The following DNAH5 variants were observed in gnomAD, a reference collection of about 807,000 sequenced individuals.
DNAH5 encodes the protein axonemal beta dynein heavy chain 5.
A neutral mutation model predicts 518.2 loss-of-function variants in DNAH5; 372 were observed. The observed-to-expected ratio is 0.72, with a 90% CI of 0.66 to 0.78. The LOEUF (loss-of-function observed/expected upper bound fraction) is 0.78. DNAH5 is among the 30% of genes least tolerant of loss of function. DNAH5 has a pLI of 0.00. For synonymous variants in DNAH5, 2,039 were observed against 2,025.9 expected, an observed-to-expected ratio of 1.01 and a Z score of -0.17; for missense variants, 5,523 against 5,687.0, an observed-to-expected ratio of 0.97 and a Z score of 0.93.
chr5:13,714,525 G>A lies in DNAH5; in HGVS notation c.13005C>T (p.Thr4335=), dbSNP rs755271975. 3.5e-5 allele frequency: 57 copies of A among 1,614,032 alleles called. No homozygotes were observed. Among genetic ancestry groups the A allele is most frequent in the South Asian group, 3.3e-5 (3 of 91,088 alleles). ...QSKLAKDVLD[T]ILGIQPKDTS... Reference sequence around the variant, plus strand: ...TGTCCTTGGGTTGGATGCCTAGGATGGTGTCCAGCACGTCCTTGGCCAGCT... The same window carrying A: ...TGTCCTTGGGTTGGATGCCTAGGATAGTGTCCAGCACGTCCTTGGCCAGCT... The change falls in exon 75 of 79, where the codon ACC becomes ACT. Residue 4335 remains threonine (T), a synonymous_variant. Coordinates refer to ENST00000265104, the MANE Select transcript of DNAH5 (RefSeq NM_001369.3).
intron 75 of DNAH5, among the ~76,000 whole-genome samples, chr5:13,711,106 C>T (rs1182288983): frequency 6.6e-6 from 1 of 152,092 alleles, no homozygotes; most frequent in Non-Finnish European, 1.5e-5. Flanking sequence ...GACATAGATG[C>T]TAAAATCCTT....
At chr5:13,786,610 C>T (rs1259378328) in intron 51 of DNAH5, among the ~76,000 whole-genome samples, 2 of 152,128 alleles carry the variant, frequency 1.3e-5, no homozygotes, top group Admixed American at 6.5e-5. Flanking sequence ...TGAATTTGAA[C>T]CCACAACTGA....
Position 13,809,079 on chromosome 5 carries a change from C to A in DNAH5, c.7717G>T (p.Asp2573Tyr). Residue 2573 changes from aspartate (D) to tyrosine (Y), a missense_variant, in exon 46 of 79, where the codon GAC (aspartate) becomes TAC (tyrosine). Transcript: ENST00000265104. Reference sequence around the variant, plus strand: ...TTAGCAATGGTTTGAATTAGAAAGTCAGTCCTCACATTGTCAACATTTGGC... The same window carrying A: ...TTAGCAATGGTTTGAATTAGAAAGTAAGTCCTCACATTGTCAACATTTGGC... Reference protein sequence around the residue: ...LVPNVDNVRTDFLIQTIAKQG... With the variant: ...LVPNVDNVRTYFLIQTIAKQG... 1.9e-6 allele frequency: 3 copies of A among 1,614,210 alleles called. No individual in the cohort carries two copies. Among genetic ancestry groups the A allele is most frequent in the Non-Finnish European group, 2.5e-6 (3 of 1,180,032 alleles).
intron 1 of DNAH5, among the ~76,000 whole-genome samples, chr5:13,994,852 C>T (rs927742420): frequency 1.1e-4 from 16 of 152,162 alleles, no homozygotes; most frequent in African/African-American, 2.7e-4. Flanking sequence ...GCTAGCTGTT[C>T]GCCTGCTTAG....
At position 13,830,759 on chromosome 5, in the gene DNAH5, C is replaced by A. The variant is rs1264060077; in HGVS notation, c.5899G>T (p.Ala1967Ser). The A allele has an allele frequency of 6.2e-7, 1 of 1,614,112 alleles. No homozygotes were observed. The highest frequency in any genetic ancestry group is 2.2e-5 in the East Asian group (1 of 44,882). Residue 1967 changes from alanine (A) to serine (S), a missense_variant, in exon 36 of 79, where the codon GCT (alanine) becomes TCT (serine). Physicochemically the swap from Ala to Ser is moderately conservative, Grantham distance 99 (BLOSUM62 1). This residue lies in a region of DNAH5 where 5,121 missense variants were observed against 5,223.3 expected (regional missense o/e 0.98). Coordinates refer to ENST00000265104, the MANE Select transcript of DNAH5 (RefSeq NM_001369.3). ...PLTDRCYITL[A>S]QALGMSMGGA... ...CCCATGCTCATTCCCAGAGCTTGAGCCAGCGTGATGTAACATCTGCATGGG... is the reference window on the plus strand; with the variant it reads ...CCCATGCTCATTCCCAGAGCTTGAGACAGCGTGATGTAACATCTGCATGGG...
intron 47 of DNAH5, among the ~76,000 whole-genome samples, chr5:13,800,076 G>C (rs1339130972): frequency 6.6e-6 from 1 of 152,188 alleles, no homozygotes; most frequent in African/African-American, 2.4e-5. Flanking sequence ...GGAGGGTGCT[G>C]GGAGGGTCTT....
At chr5:13,815,758 C>T (rs950176880) in intron 42 of DNAH5, among the ~76,000 whole-genome samples, 1 of 152,104 alleles carries the variant, frequency 6.6e-6, no homozygotes, top group Admixed American at 6.5e-5. Context: ...CTGGTTTGCA[C>T]CTAAGTCTAA....
chr5:13,956,046 C>T (rs1780743891), intron 1 of DNAH5, among the ~76,000 whole-genome samples: 1 of 152,142 alleles, frequency 6.6e-6, no homozygotes, highest in Admixed American at 6.5e-5. Flanking sequence ...TGGGGTGGTA[C>T]ATGCTCTTCC....
intron 1 of DNAH5, among the ~76,000 whole-genome samples, chr5:14,007,914 T>G (rs1784828995): frequency 6.6e-6 from 1 of 151,850 alleles, no homozygotes; most frequent in Admixed American, 6.6e-5. Flanking sequence ...GGCTCATGCC[T>G]GTAATCCCAG....
intron 1 of DNAH5, among the ~76,000 whole-genome samples, chr5:13,960,290 G>A (rs1184749584): frequency 1.3e-5 from 2 of 152,168 alleles, no homozygotes; most frequent in African/African-American, 2.4e-5. Context: ...GTGAGGAGGT[G>A]CACAGATGAG....
In DNAH5 at chr5:13,959,612, C is replaced by T. The variant is rs1441147998; in HGVS notation, c.13-28368G>A. Reference sequence around the variant, plus strand: ...TGGGACCTGGAGGTGGTTTTACCCCCGTGGGTCTCCCTCTTCATTCCTTAC... The same window carrying T: ...TGGGACCTGGAGGTGGTTTTACCCCTGTGGGTCTCCCTCTTCATTCCTTAC... On this transcript the variant is annotated intron_variant, in intron 1 of 78. Transcript: ENST00000681290. 5.9e-5 allele frequency among the ~76,000 whole-genome samples: 9 copies of T among 152,170 alleles called. No individual in the cohort carries two copies. In the South Asian group the frequency reaches 1.7e-3, roughly 28 times the overall value.
chr5:13,716,724 G>T, intron 73 of DNAH5, 34 bp from the exon 74 acceptor site: 1 of 1,425,628 alleles, frequency 7.0e-7, no homozygotes, highest in Non-Finnish European at 9.9e-7. Flanking sequence ...ATGTAGAACT[G>T]ACTACCGTTG....
At chr5:13,876,530 G>A (rs1233766333) in intron 22 of DNAH5, among the ~76,000 whole-genome samples, 154 bp downstream of exon 22, 1 of 152,190 alleles carries the variant, frequency 6.6e-6, no homozygotes, top group Non-Finnish European at 1.5e-5. Flanking sequence ...AAGATCTTCA[G>A]TTAGACAAAC....
intron 1 of DNAH5, among the ~76,000 whole-genome samples, chr5:13,986,581 G>A (rs115338095): frequency 0.02 from 3,069 of 152,244 alleles, 106 homozygotes; most frequent in African/African-American, 0.07. Flanking sequence ...CAGAAAGACA[G>A]GAACAAGAAT....
At position 13,707,093 on chromosome 5, in the gene DNAH5, G is replaced by T. The variant is rs1742889308; in HGVS notation, c.13338+1030C>A. ...CACACAAGTGGCTGGATGTTGAGAG[G>T]AGTAGAAGCGCAGAAGGGCACACTG... On this transcript the variant is annotated intron_variant, in intron 76 of 78. Coordinates refer to ENST00000265104, the MANE Select transcript of DNAH5 (RefSeq NM_001369.3). This position sits in a 1 kb window ranked among gnomAD's most constrained non-coding sequence, Gnocchi z 4.0. Among the ~76,000 whole-genome samples the T allele has an allele frequency of 6.6e-6, 1 of 152,224 alleles. No individual in the cohort carries two copies. The highest frequency in any genetic ancestry group is 3.2e-3 in the Middle Eastern group (1 of 316).
intron 65 of DNAH5, among the ~76,000 whole-genome samples, chr5:13,738,587 G>A (rs993004805): frequency 3.4e-4 from 52 of 152,204 alleles, no homozygotes; most frequent in Admixed American, 2.9e-3. Flanking sequence ...TATCCTTATT[G>A]GCCTTTTCTT....
chr5:13,717,577 C>T lies in DNAH5; in HGVS notation c.12500-57G>A, dbSNP rs56949645. 3,829 of 1,358,972 alleles carry T rather than the reference C, an allele frequency of 2.8e-3. 89 individuals are homozygous for T. The African/African-American group carries it at 0.049, about 17-fold the overall frequency. 84.2% of individuals were successfully genotyped at this position (1,358,972 alleles called of 1,614,324 possible). The stretch of plus-strand genomic sequence containing the variant: ...ATCTCTCAAATGTCTTTATTTTCTA[C>T]TACTTTTATAAGTAATCATTTTTGT... On this transcript the variant is annotated intron_variant, in intron 72 of 78. Transcript: ENST00000265104.
rs1158371559 is a variant in DNAH5, at chr5:13,919,198, G to A, written c.953C>T (p.Ala318Val). 1 of 1,613,872 alleles carries A rather than the reference G, an allele frequency of 6.2e-7. No individual in the cohort carries two copies. Among genetic ancestry groups the A allele is most frequent in the African/African-American group, 1.3e-5 (1 of 74,984 alleles). ...GACCTTCAGCAGTTTCGACTTGGCC[G>A]CCGCAAGCACTGCCAGCACAGCCTT... ...DVKAVLAVLA[A>V]AKSKLLKTWR... The change falls in exon 7 of 79, where the codon GCG becomes GTG. Residue 318 changes from alanine (A) to valine (V), a missense_variant. Coordinates refer to ENST00000265104, the MANE Select transcript of DNAH5 (RefSeq NM_001369.3).
At chr5:13,769,479 A>G in intron 57 of DNAH5, 22 bp downstream of exon 57, 1 of 1,580,918 alleles carries the variant, frequency 6.3e-7, no homozygotes, top group Non-Finnish European at 8.7e-7. Context: ...GGAATGTGGC[A>G]CATGTGTAAA....
Sources: gnomAD v4.1 joint callset for allele counts (sites outside exome capture counted in the v4.1 genomes callset) on GRCh38, gnomAD v4.1.1 for gene constraint, gnomAD v4.1.1 regional missense constraint, Gnocchi (gnomAD v3.1) non-coding constraint, MANE v1.5 for transcripts, NCBI Gene and HGNC (gene_info 2026-07-23, HGNC 2026-07-21) for gene names.